TDRD12: variants seen among roughly 807,000 people sequenced by gnomAD.
TDRD12 encodes the protein tudor domain containing 12.
TDRD12 carries 158 observed loss-of-function variants against 133.5 expected under a neutral mutation model. That is an observed-to-expected ratio of 1.18 (90% CI 1.04 to 1.35). The LOEUF is 1.35. TDRD12 is among the 40% of genes most tolerant of loss of function. TDRD12 has a pLI of 0.00. For missense variants in TDRD12, 1,443 were observed against 1,321.3 expected, an observed-to-expected ratio of 1.09 and a Z score of -1.43; for synonymous variants, 460 against 477.9, an observed-to-expected ratio of 0.96 and a Z score of 0.49.
chr19:32,775,406 C>T (rs2145608512), intron 10 of TDRD12, among the ~76,000 whole-genome samples: 1 of 152,318 alleles, frequency 6.6e-6, no homozygotes, highest in Middle Eastern at 3.4e-3. Context: ...TCATAACTCA[C>T]TATAGCCTTA....
chr19:32,748,680 C>T (rs929567669), intron 5 of TDRD12, 149 bp downstream of exon 5: 10 of 667,922 alleles, frequency 1.5e-5, no homozygotes, highest in African/African-American at 9.1e-5. Context: ...CTTCCTCCAG[C>T]TCAAGTGCCA....
chr19:32,810,901 C>CA (rs1216880074), intron 23 of TDRD12, among the ~76,000 whole-genome samples: 2 of 151,846 alleles, frequency 1.3e-5, no homozygotes, highest in Non-Finnish European at 2.9e-5. Context: ...CTACAAAAAA[C>CA]AAACAAACAA....
At chr19:32,816,727 C>A (rs1453709059) in intron 26 of TDRD12, among the ~76,000 whole-genome samples, 1 of 152,174 alleles carries the variant, frequency 6.6e-6, no homozygotes, top group Non-Finnish European at 1.5e-5. Flanking sequence ...CCATGGGGGG[C>A]ATTAGAGAGA....
Position 32,790,526 on chromosome 19 carries a change from T to G in TDRD12, c.1122-5T>G, listed in dbSNP as rs1471312247. On this transcript the variant is annotated splice_polypyrimidine_tract_variant and splice_region_variant and intron_variant, in intron 11 of 27. Transcript: ENST00000444215. ...CTTCACATTCTTCTTTTAACTATCT[T>G]ACAGATTACTGCAGTTTTTAAATCC... is the stretch of plus-strand genomic sequence containing the variant. 5 of 1,551,318 alleles carry G rather than the reference T, an allele frequency of 3.2e-6. No homozygotes were observed. The highest frequency in any genetic ancestry group is 4.4e-6 in the Non-Finnish European group (5 of 1,146,814).
In TDRD12 at chr19:32,797,903, T is replaced by C. The variant is rs1471363230; in HGVS notation, c.1630+12T>C. 2.9e-6 allele frequency: 2 copies of C among 680,056 alleles called. No individual in the cohort carries two copies. 42.1% of individuals were successfully genotyped at this position (680,056 alleles called of 1,614,324 possible). A position where few individuals can be genotyped will look rare whatever the true frequency, so the allele number is the denominator to read the frequency against. On this transcript the variant is annotated intron_variant, in intron 15 of 27. Coordinates refer to ENST00000444215, the Ensembl canonical transcript of TDRD12. ...GCTTCCAAGGGGCTGTAAGTATCCT[T>C]TTCAAGCGGCTATAAAAGTTAAAGT...
At chr19:32,798,005 A>G (rs1599600541) in intron 15 of TDRD12, 114 bp downstream of exon 15, 1 of 594,734 alleles carries the variant, frequency 1.7e-6, no homozygotes, top group South Asian at 2.1e-5. Context: ...GGCTTGTGTG[A>G]TGACACACTC....
At chr19:32,759,567 C>G (rs1364082700) in intron 8 of TDRD12, among the ~76,000 whole-genome samples, 2 of 152,010 alleles carry the variant, frequency 1.3e-5, no homozygotes, top group East Asian at 3.9e-4. Context: ...TTCAGTGAAC[C>G]AAGATTGTGC....
At chr19:32,781,669 T>C (rs2145632655) in intron 11 of TDRD12, among the ~76,000 whole-genome samples, 1 of 151,944 alleles carries the variant, frequency 6.6e-6, no homozygotes, top group South Asian at 2.1e-4. Flanking sequence ...TTATTCTTTA[T>C]ATATGACTCC....
At chr19:32,773,369 T>A in intron 9 of TDRD12, 87 bp from the exon 10 acceptor site, 1 of 1,161,646 alleles carries the variant, frequency 8.6e-7, no homozygotes, top group Non-Finnish European at 1.3e-6. Flanking sequence ...TTCATGAGAA[T>A]AACTCCCATG....
At chr19:32,723,258 GTT>G (rs916325323) in intron 1 of TDRD12, among the ~76,000 whole-genome samples, 11 of 145,638 alleles carry the variant, frequency 7.6e-5, no homozygotes, top group African/African-American at 2.5e-4. Flanking sequence ...TAACTATTTT[GTT>G]TTTTTTTTGA....
At chr19:32,821,473 G>A (rs944301824), downstream of TDRD12, among the ~76,000 whole-genome samples, 16 of 151,696 alleles carry the variant, frequency 1.1e-4, no homozygotes, top group Non-Finnish European at 2.4e-4. Context: ...TCTCCTGTCC[G>A]GAACCCTCCT....
chr19:32,775,354 G>C (rs1036555699), intron 10 of TDRD12, among the ~76,000 whole-genome samples: 7 of 152,146 alleles, frequency 4.6e-5, no homozygotes, highest in African/African-American at 1.4e-4. Flanking sequence ...TTTGCGACAG[G>C]ATCTTGCTCT....
At chr19:32,763,936 G>T (rs1390886274) in intron 8 of TDRD12, among the ~76,000 whole-genome samples, 1 of 152,056 alleles carries the variant, frequency 6.6e-6, no homozygotes, top group Non-Finnish European at 1.5e-5. Flanking sequence ...AAGAATTCCT[G>T]ATTTTTCAGT....
downstream of TDRD12, among the ~76,000 whole-genome samples, chr19:32,825,575 G>T (rs150075834): frequency 9.3e-3 from 1,412 of 152,260 alleles, 27 homozygotes; most frequent in African/African-American, 0.032. The surrounding 1 kb of genome is among the most constrained non-coding windows in gnomAD (Gnocchi z 4.1). Flanking sequence ...GTCAAAGGCT[G>T]TTTTTATTTT....
intron 14 of TDRD12, chr19:32,796,033 C>A: frequency 4.6e-6 from 2 of 433,446 alleles, no homozygotes; most frequent in Non-Finnish European, 6.1e-6. Flanking sequence ...AGAGCTAAAC[C>A]ATTTCACTGA....
At chr19:32,824,745 C>T (rs999758926), downstream of TDRD12, among the ~76,000 whole-genome samples, 12 of 152,116 alleles carry the variant, frequency 7.9e-5, no homozygotes, top group African/African-American at 2.4e-4. Flanking sequence ...CCCCACCCCC[C>T]GCCGCCCTTT....
intron 19 of TDRD12, among the ~76,000 whole-genome samples, chr19:32,802,147 TATC>T (rs1324299233): frequency 1.4e-5 from 2 of 142,442 alleles, no homozygotes; most frequent in Admixed American, 7.0e-5. Flanking sequence ...TGATATATAT[TATC>T]ATATATATAT....
At chr19:32,758,968 A>T (rs2145557208) in intron 8 of TDRD12, among the ~76,000 whole-genome samples, 1 of 151,906 alleles carries the variant, frequency 6.6e-6, no homozygotes, top group East Asian at 2.0e-4. Flanking sequence ...TAGGCTGGGC[A>T]CGGTGGCTCA....
intron 4 of TDRD12, among the ~76,000 whole-genome samples, chr19:32,744,517 A>C (rs1461714854): frequency 1.0e-4 from 15 of 149,572 alleles, no homozygotes; most frequent in East Asian, 9.7e-4. Flanking sequence ...AAAAAAAAAA[A>C]AAAAAAACAA....
Sources: gnomAD v4.1 joint callset for allele counts (sites outside exome capture counted in the v4.1 genomes callset) on GRCh38, gnomAD v4.1.1 for gene constraint, Gnocchi (gnomAD v3.1) non-coding constraint, MANE v1.5 for transcripts, NCBI Gene and HGNC (gene_info 2026-07-23, HGNC 2026-07-21) for gene names.